Variants in TMTC2 observed in about 807,000 individuals in gnomAD.
The protein encoded by TMTC2 is transmembrane O-mannosyltransferase targeting cadherins 2, also known as protein O-mannosyl-transferase TMTC2.
In TMTC2, 43 loss-of-function variants were observed where a neutral mutation model predicts 82.4. The ratio of observed to expected loss-of-function variants is 0.52; its 90% confidence interval spans 0.41 to 0.67. The LOEUF is 0.67. TMTC2 is among the 30% of genes least tolerant of loss of function. The probability of loss-of-function intolerance (pLI) is 0.00; values close to 1 mark genes in which losing one functional copy is unlikely to be tolerated. For missense variants in TMTC2, 919 were observed against 1,012.4 expected (o/e 0.91, Z 1.25); for synonymous variants, 408 against 381.9 (o/e 1.07, Z -0.80).
chr12:82,786,750 A>G (rs957267658), intron 1 of TMTC2, among the ~76,000 whole-genome samples: 1 of 152,052 alleles, frequency 6.6e-6, no homozygotes, highest in Non-Finnish European at 1.5e-5. Flanking sequence ...AGCTCCTTAG[A>G]GCTTTTAACA....
At chr12:82,983,538 A>G (rs940201704) in intron 7 of TMTC2, among the ~76,000 whole-genome samples, 1 of 152,092 alleles carries the variant, frequency 6.6e-6, no homozygotes, top group African/African-American at 2.4e-5. Flanking sequence ...TATTAACAAA[A>G]TAATGAAGAT....
rs1364007188 is a variant in TMTC2 at position 82,857,409 on chromosome 12, A to G, written c.483A>G (p.Thr161=). The G allele has an allele frequency of 6.2e-7, 1 of 1,614,182 alleles. No homozygotes were observed. The highest frequency in any genetic ancestry group is 8.5e-7 in the Non-Finnish European group (1 of 1,180,042). The change falls in exon 2 of 12, where the codon ACA becomes ACG. Residue 161 remains threonine, a synonymous_variant. Coordinates refer to ENST00000321196, the MANE Select transcript of TMTC2 (RefSeq NM_152588.3). ...TCTGCTACATTAAACACTGTTCTAC[A>G]AGAGGCTACTCAGCCAGAACCTGGG... is the stretch of plus-strand genomic sequence containing the variant. ...SLLCYIKHCS[T]RGYSARTWGW...
intron 11 of TMTC2, among the ~76,000 whole-genome samples, chr12:83,065,830 A>T (rs1882900060): frequency 6.6e-6 from 1 of 151,968 alleles, no homozygotes; most frequent in South Asian, 2.1e-4. Flanking sequence ...ATGGATTTTT[A>T]AAAAATGGTT....
chr12:82,852,485 TC>T (rs1458577717), intron 1 of TMTC2, among the ~76,000 whole-genome samples: 1 of 152,172 alleles, frequency 6.6e-6, no homozygotes, highest in Non-Finnish European at 1.5e-5. Context: ...ATTGTTTTTT[TC>T]CCATATCTGC....
chr12:83,088,079 T>C (rs1438302103), intron 11 of TMTC2, among the ~76,000 whole-genome samples: 1 of 152,260 alleles, frequency 6.6e-6, no homozygotes, highest in Non-Finnish European at 1.5e-5. Context: ...GATAACTTGC[T>C]GCAGCTTCTG....
intron 11 of TMTC2, among the ~76,000 whole-genome samples, chr12:83,108,350 C>T (rs1040335612): frequency 9.9e-5 from 15 of 151,902 alleles, no homozygotes; most frequent in African/African-American, 2.2e-4. Context: ...AGCTAGCCAC[C>T]GAAGTACAGG....
chr12:82,969,166 C>A (rs1196297332), intron 7 of TMTC2, among the ~76,000 whole-genome samples: 2 of 152,140 alleles, frequency 1.3e-5, no homozygotes, highest in African/African-American at 4.8e-5. Context: ...CCTATCAGTT[C>A]ATCAGTTTCA....
chr12:83,118,467 T>A (rs1392559312), intron 11 of TMTC2, among the ~76,000 whole-genome samples: 5 of 151,916 alleles, frequency 3.3e-5, no homozygotes, highest in Non-Finnish European at 5.9e-5. Context: ...ATGTGGTGTG[T>A]CACATGTATT....
chr12:82,690,084 T>A (rs1256502926), intron 1 of TMTC2, among the ~76,000 whole-genome samples: 1 of 152,262 alleles, frequency 6.6e-6, no homozygotes, highest in Non-Finnish European at 1.5e-5. Flanking sequence ...CACAGCCTGT[T>A]CAAGTGATTC....
At chr12:82,702,162 GATATT>G (rs772841118) in intron 1 of TMTC2, among the ~76,000 whole-genome samples, 1 of 152,168 alleles carries the variant, frequency 6.6e-6, no homozygotes, top group Non-Finnish European at 1.5e-5. Flanking sequence ...AAACATTAGT[GATATT>G]GCCACACTTA....
intron 1 of TMTC2, among the ~76,000 whole-genome samples, chr12:82,746,809 G>T (rs1441497856): frequency 6.6e-6 from 1 of 152,168 alleles, no homozygotes; most frequent in Non-Finnish European, 1.5e-5. Flanking sequence ...TACTCACTCT[G>T]CTATTGCCAG....
At chr12:83,051,463 A>T (rs1362167954) in intron 10 of TMTC2, among the ~76,000 whole-genome samples, 1 of 152,066 alleles carries the variant, frequency 6.6e-6, no homozygotes, top group Non-Finnish European at 1.5e-5. Context: ...CTTTCTGAAA[A>T]TTACTGCGAC....
At chr12:82,732,173 G>A (rs1262113499) in intron 1 of TMTC2, among the ~76,000 whole-genome samples, 1 of 152,098 alleles carries the variant, frequency 6.6e-6, no homozygotes, top group Non-Finnish European at 1.5e-5. Flanking sequence ...CCAATTTCAA[G>A]TTGACTCCTG....
At chr12:82,836,549 A>G (rs1352274905) in intron 1 of TMTC2, among the ~76,000 whole-genome samples, 1 of 152,174 alleles carries the variant, frequency 6.6e-6, no homozygotes, top group Non-Finnish European at 1.5e-5. Context: ...GGAAAAGGCA[A>G]GGAACTAGAT....
intron 1 of TMTC2, among the ~76,000 whole-genome samples, chr12:82,840,953 T>C (rs112723812): frequency 2.6e-4 from 39 of 152,260 alleles, no homozygotes; most frequent in African/African-American, 9.1e-4. Context: ...CTAATTTTTG[T>C]ATTTTTAGTA....
chr12:83,029,337 A>AG (rs913618205), intron 8 of TMTC2, among the ~76,000 whole-genome samples: 18 of 152,194 alleles, frequency 1.2e-4, no homozygotes, highest in African/African-American at 4.3e-4. Flanking sequence ...TTAAAAAAAA[A>AG]CTGATCAGCT....
chr12:82,858,185 A>C (rs1871354106), intron 2 of TMTC2, among the ~76,000 whole-genome samples: 1 of 152,208 alleles, frequency 6.6e-6, no homozygotes, highest in South Asian at 2.1e-4. Flanking sequence ...CTTAGGGCAT[A>C]TTTGTTCTCC....
intron 1 of TMTC2, among the ~76,000 whole-genome samples, chr12:82,702,318 TA>T (rs1360168231): frequency 6.6e-6 from 1 of 152,228 alleles, no homozygotes; most frequent in Non-Finnish European, 1.5e-5. Context: ...AACTAAAGTC[TA>T]ACAGCAAGTG....
chr12:82,857,318 A>G lies in TMTC2; in HGVS notation c.392A>G (p.Glu131Gly). The G allele has an allele frequency of 6.2e-7, 1 of 1,614,096 alleles. No individual in the cohort carries two copies. The highest frequency in any genetic ancestry group is 8.5e-7 in the Non-Finnish European group (1 of 1,180,020). The part of the protein sequence containing the change: ...LMFASHPIHT[E>G]AVAGIVGRAD... ...TTTGCTTCTCACCCCATTCACACGG[A>G]GGCAGTGGCAGGAATCGTGGGACGA... The change falls in exon 2 of 12, where the codon GAG (glutamate) becomes GGG (glycine). Residue 131 changes from glutamate to glycine, a missense_variant. Glu to Gly is a moderately conservative substitution (Grantham distance 98, BLOSUM62 -2). Transcript: ENST00000321196.
Sources: allele counts gnomAD v4.1 joint callset (sites outside exome capture counted in the v4.1 genomes callset), GRCh38; gene constraint gnomAD v4.1.1; transcripts MANE v1.5; gene names NCBI Gene and HGNC (gene_info 2026-07-23, HGNC 2026-07-21).